The following HMCN1 variants were observed in gnomAD, a reference collection of about 807,000 sequenced individuals.
The protein encoded by HMCN1 is hemicentin 1.
Under a neutral mutation model 625.9 loss-of-function variants are expected in HMCN1, and 321 were observed. The ratio of observed to expected loss-of-function variants is 0.51; its 90% CI spans 0.47 to 0.56. The LOEUF (loss-of-function observed/expected upper bound fraction) is 0.56. HMCN1 is among the 20% of genes least tolerant of loss of function. The pLI is 0.00. For synonymous variants in HMCN1, 2,425 were observed against 2,417.6 expected, an observed-to-expected ratio of 1.00 and a Z score of -0.09; for missense variants, 6,588 against 6,887.3, an observed-to-expected ratio of 0.96 and a Z score of 1.54.
chr1:186,090,633 G>A (rs557768172), intron 63 of HMCN1, 125 bp from the exon 64 acceptor site: 3 of 1,064,278 alleles, frequency 2.8e-6, no homozygotes, highest in South Asian at 1.4e-5. Context: ...GATAACAATA[G>A]TTTGACCTTG....
intron 55 of HMCN1, among the ~76,000 whole-genome samples, chr1:186,079,216 C>T (rs550583094): frequency 1.4e-3 from 206 of 152,302 alleles, no homozygotes; most frequent in Middle Eastern, 3.4e-3. Context: ...TGTGGCTCCT[C>T]TCAGCAGCCG....
chr1:186,057,624 T>C (rs1657427330), intron 46 of HMCN1, among the ~76,000 whole-genome samples: 1 of 151,964 alleles, frequency 6.6e-6, no homozygotes, highest in Non-Finnish European at 1.5e-5. Flanking sequence ...AAACAAATCT[T>C]GGCACTCGCT....
rs1571788620 is a variant in HMCN1 at position 186,055,441 on chromosome 1, T to G, written c.6911T>G (p.Val2304Gly). 1.9e-6 allele frequency: 3 copies of G among 1,612,724 alleles called. No individual in the cohort carries two copies. The Admixed American group carries it at 5.0e-5, about 27-fold the overall frequency. Reference sequence around the variant, plus strand: ...GGCAGCCACCCTACTGAAATTATTGTGACCCGAGGGAAGAGTATCTCCTTG... The same window carrying G: ...GGCAGCCACCCTACTGAAATTATTGGGACCCGAGGGAAGAGTATCTCCTTG... The part of the protein sequence containing the change: ...NSGSHPTEII[V>G]TRGKSISLEC... The change falls in exon 45 of 107, where the codon GTG becomes GGG. Residue 2304 changes from valine to glycine, a missense_variant. Physicochemically the swap from Val to Gly is moderately radical, Grantham distance 109. Around this residue, in one of 3 missense-constraint regions of HMCN1, gnomAD observed 4,628 missense variants for 4,853.1 expected, o/e 0.95. Coordinates refer to ENST00000271588, the MANE Select transcript of HMCN1 (RefSeq NM_031935.3).
intron 93 of HMCN1, among the ~76,000 whole-genome samples, chr1:186,149,136 A>G (rs1429755652): frequency 1.3e-5 from 2 of 152,154 alleles, no homozygotes; most frequent in African/African-American, 4.8e-5. Flanking sequence ...AAAGTCACCA[A>G]CTGCGTAAGT....
intron 97 of HMCN1, among the ~76,000 whole-genome samples, chr1:186,162,607 CTGTT>C (rs1003546070): frequency 6.6e-6 from 1 of 152,268 alleles, no homozygotes; most frequent in East Asian, 1.9e-4. Context: ...GGTGTCCTTT[CTGTT>C]TGTTAGTTTT....
rs115052618 is a variant in HMCN1 at position 185,781,924 on chromosome 1, A to G, written c.268+46877A>G. Reference sequence around the variant, plus strand: ...TCCTTGTTAACTTTCTGTCTTGTAGATGTCTAATGTTGACAGTGGGGTGTT... The same window carrying G: ...TCCTTGTTAACTTTCTGTCTTGTAGGTGTCTAATGTTGACAGTGGGGTGTT... On this transcript the variant is annotated intron_variant, in intron 1 of 106. Coordinates refer to ENST00000271588, the MANE Select transcript of HMCN1 (RefSeq NM_031935.3). Among the ~76,000 whole-genome samples the G allele has an allele frequency of 9.6e-3, 1,456 of 151,636 alleles. 11 individuals carry two copies. The highest frequency in any genetic ancestry group is 0.014 in the Non-Finnish European group (920 of 67,626).
chr1:185,896,497 T>G (rs530701362), intron 4 of HMCN1, among the ~76,000 whole-genome samples: 1 of 152,306 alleles, frequency 6.6e-6, no homozygotes, highest in Admixed American at 6.5e-5. Flanking sequence ...TAATGTGTTA[T>G]TTTTCTATGA....
chr1:185,890,261 G>C (rs903284966), intron 4 of HMCN1, among the ~76,000 whole-genome samples: 2 of 148,216 alleles, frequency 1.3e-5, no homozygotes, highest in Non-Finnish European at 2.9e-5. Flanking sequence ...CAAAAAACCA[G>C]CTCCTGGATT....
chr1:186,167,080 G>A, intron 100 of HMCN1, 138 bp downstream of exon 100: 1 of 1,072,652 alleles, frequency 9.3e-7, no homozygotes, highest in Admixed American at 1.9e-5. Flanking sequence ...GAGATATCCA[G>A]CAAGAGGGAC....
Position 186,038,747 on chromosome 1 carries a change from T to A in HMCN1, c.5852-82T>A, listed in dbSNP as rs1048974214. On this transcript the variant is annotated intron_variant, in intron 37 of 106. Transcript: ENST00000271588. Reference sequence around the variant, plus strand: ...AATAATAAGTATAAGAATAAAGTAATAGTGACTTAGCTAAGATCCAACTTA... The same window carrying A: ...AATAATAAGTATAAGAATAAAGTAAAAGTGACTTAGCTAAGATCCAACTTA... 3.8e-5 allele frequency: 30 copies of A among 794,042 alleles called. No homozygotes were observed. In the African/African-American group the frequency reaches 5.0e-4, roughly 13 times the overall value. The allele number at this position is 794,042 out of a possible 1,614,324, so 49.2% of individuals were successfully genotyped here. A position where few individuals can be genotyped will look rare whatever the true frequency, so the allele number is the denominator to read the frequency against.
chr1:185,908,088 A>T (rs1203838433), intron 4 of HMCN1, among the ~76,000 whole-genome samples: 1 of 152,024 alleles, frequency 6.6e-6, no homozygotes, highest in Non-Finnish European at 1.5e-5. Context: ...AGTCCTAATG[A>T]CTGAAAGTGT....
chr1:186,145,443 C>T lies in HMCN1; in HGVS notation c.14307C>T (p.Cys4769=). The change falls in exon 92 of 107, where the codon TGC becomes TGT. Residue 4769 remains cysteine, a synonymous_variant. Transcript: ENST00000271588. ...NWSPWSGWGT[C]SRTCNGGQMR... is the part of the protein sequence containing the mutation. Reference sequence around the variant, plus strand: ...GTCCTTGGAGTGGCTGGGGAACATGCAGCCGGACGTGTAACGGAGGGCAGA... The same window carrying T: ...GTCCTTGGAGTGGCTGGGGAACATGTAGCCGGACGTGTAACGGAGGGCAGA... 6.3e-7 allele frequency: 1 copy of T among 1,599,130 alleles called. No individual in the cohort carries two copies. Among genetic ancestry groups the T allele is most frequent in the Non-Finnish European group, 8.5e-7 (1 of 1,171,508 alleles).
chr1:186,105,338 T>C (rs1411791086), intron 69 of HMCN1, among the ~76,000 whole-genome samples: 1 of 152,248 alleles, frequency 6.6e-6, no homozygotes, highest in African/African-American at 2.4e-5. Context: ...GCAATTTGTA[T>C]ATACTTCTGT....
At chr1:186,072,720 A>G (rs904897988) in intron 52 of HMCN1, among the ~76,000 whole-genome samples, 1 of 152,222 alleles carries the variant, frequency 6.6e-6, no homozygotes, top group African/African-American at 2.4e-5. Context: ...TCCAAAGTAA[A>G]GAGCACAGCA....
chr1:185,987,923 C>A (rs1024226202), intron 20 of HMCN1, among the ~76,000 whole-genome samples: 10 of 151,224 alleles, frequency 6.6e-5, no homozygotes, highest in African/African-American at 2.2e-4. Flanking sequence ...GTGGAACTGA[C>A]CAGTAGACCT....
chr1:186,149,893 CATTG>C (rs1489683269), intron 93 of HMCN1, among the ~76,000 whole-genome samples: 2 of 152,136 alleles, frequency 1.3e-5, no homozygotes, highest in East Asian at 1.9e-4. Context: ...ACACACAAAA[CATTG>C]ATTAAGTTCA....
intron 1 of HMCN1, among the ~76,000 whole-genome samples, chr1:185,779,160 G>A (rs1363177332): frequency 6.6e-6 from 1 of 152,162 alleles, no homozygotes; most frequent in Non-Finnish European, 1.5e-5. Context: ...AGAAGTGTCT[G>A]TTCATATCCT....
intron 1 of HMCN1, among the ~76,000 whole-genome samples, chr1:185,819,129 C>T (rs545033154): frequency 2.9e-4 from 44 of 151,268 alleles, no homozygotes; most frequent in African/African-American, 5.1e-4. Context: ...TCCAGCTACT[C>T]GGGAGGCTGA....
At position 186,094,287 on chromosome 1, in the gene HMCN1, C is replaced by T; in HGVS notation, c.10208C>T (p.Ala3403Val). ...AAATTGTTTCTCAGGATTGTGAGAG[C>T]TCAGGTGTCTGATGTCGCTGTGTAT... The part of the protein sequence containing the change: ...AAGQVIRIVR[A>V]QVSDVAVYTC... The change falls in exon 67 of 107, where the codon GCT becomes GTT. Residue 3403 changes from alanine (A) to valine (V), a missense_variant. Around this residue, in one of 3 missense-constraint regions of HMCN1, gnomAD observed 4,628 missense variants for 4,853.1 expected, o/e 0.95. Transcript: ENST00000271588. The T allele has an allele frequency of 6.2e-7, 1 of 1,612,720 alleles. No homozygotes were observed. The highest frequency in any genetic ancestry group is 8.5e-7 in the Non-Finnish European group (1 of 1,179,034).
Sources: allele counts gnomAD v4.1 joint callset (sites outside exome capture counted in the v4.1 genomes callset), GRCh38; gene constraint gnomAD v4.1.1; regional missense constraint gnomAD v4.1.1; transcripts MANE v1.5; gene names NCBI Gene and HGNC (gene_info 2026-07-23, HGNC 2026-07-21).